TCOF1: variants seen among roughly 807,000 people sequenced by gnomAD.
TCOF1 encodes the protein treacle ribosome biogenesis factor 1, also known as treacle protein.
A neutral mutation model predicts 149.0 loss-of-function variants in TCOF1; 33 were observed. The ratio of observed to expected loss-of-function variants is 0.22; its 90% CI spans 0.17 to 0.30. TCOF1 has a LOEUF of 0.30. Among genes scored for constraint, TCOF1 ranks in the 10% least tolerant of loss-of-function variants. The probability of loss-of-function intolerance (pLI) is 1.00; values close to 1 mark genes in which losing one functional copy is unlikely to be tolerated. For missense variants in TCOF1, 1,728 were observed against 1,840.7 expected, an observed-to-expected ratio of 0.94 and a Z score of 1.12; for synonymous variants, 789 against 738.8, an observed-to-expected ratio of 1.07 and a Z score of -1.10.
rs941241623 is a variant in TCOF1, at chr5:150,376,163, G to A, written c.1975G>A (p.Val659Met). 12 of 1,614,242 alleles carry A rather than the reference G, an allele frequency of 7.4e-6. No homozygotes were observed. Among genetic ancestry groups the A allele is most frequent in the Non-Finnish European group, 9.3e-6 (11 of 1,180,046 alleles). The change falls in exon 13 of 27, where the codon GTG becomes ATG. Residue 659 changes from valine (V) to methionine (M), a missense_variant. Val to Met is a conservative substitution (Grantham distance 21). Around this residue, in one of 2 missense-constraint regions of TCOF1, gnomAD observed 1,696 missense variants for 1,765.4 expected, o/e 0.96. Transcript: ENST00000643257. ...CACTGCATCTGCCAAGGTCGCCCCT[G>A]TGCGAGTGGGCACCCAAGCCCCCCG... Reference protein sequence around the residue: ...NTTASAKVAPVRVGTQAPRKA... With the variant: ...NTTASAKVAPMRVGTQAPRKA...
intron 17 of TCOF1, 123 bp from the exon 18 acceptor site, chr5:150,387,779 G>A (rs1766578260): frequency 1.5e-6 from 2 of 1,362,332 alleles, no homozygotes; most frequent in South Asian, 1.3e-5. Flanking sequence ...AATGGCTTCT[G>A]TGCCCAGCTG....
rs151344575 is a variant in TCOF1 at position 150,383,121 on chromosome 5, G to T, written c.2859+3389G>T. ...CCCTGGCCCCAGCACCCCCAGAGAG[G>T]AACACGGAGGGGTCCTCGGAGAGCA... is the stretch of plus-strand genomic sequence containing the variant. On this transcript the variant is annotated intron_variant, in intron 17 of 26. Coordinates refer to ENST00000643257, the MANE Select transcript of TCOF1 (RefSeq NM_001371623.1). 2.2e-3 allele frequency: 3,396 copies of T among 1,536,078 alleles called. 5 individuals are homozygous for T. Among genetic ancestry groups the T allele is most frequent in the Non-Finnish European group, 2.6e-3 (2,959 of 1,146,880 alleles).
chr5:150,373,835 C>G (rs940565216), intron 7 of TCOF1, among the ~76,000 whole-genome samples: 2 of 152,184 alleles, frequency 1.3e-5, no homozygotes, highest in Non-Finnish European at 2.9e-5. Flanking sequence ...CCAGTGGGAG[C>G]CCAGCAGAGG....
chr5:150,388,818 G>A (rs79012265), intron 18 of TCOF1, among the ~76,000 whole-genome samples: 8,732 of 151,966 alleles, frequency 0.057, 339 homozygotes, highest in East Asian at 0.11. Flanking sequence ...GTAATCCCAG[G>A]TACTTGAGAG....
In TCOF1 at chr5:150,376,278, A is replaced by G; in HGVS notation, c.2090A>G (p.Glu697Gly). The G allele has an allele frequency of 6.2e-7, 1 of 1,614,154 alleles. No homozygotes were observed. Among genetic ancestry groups the G allele is most frequent in the Non-Finnish European group, 8.5e-7 (1 of 1,180,020 alleles). The part of the protein sequence containing the change: ...QRPAEDSSSS[E>G]ESDSEEEKTG... ...CCAGCAGAGGATTCTTCAAGCAGTGAGGAATCAGATAGTGAGGAAGAGAAG... is the reference window on the plus strand; with the variant it reads ...CCAGCAGAGGATTCTTCAAGCAGTGGGGAATCAGATAGTGAGGAAGAGAAG... Residue 697 changes from glutamate (E) to glycine (G), a missense_variant, in exon 13 of 27, where the codon GAG becomes GGG. Transcript: ENST00000643257.
chr5:150,375,390 A>G lies in TCOF1; in HGVS notation c.1540A>G (p.Met514Val), dbSNP rs764006752. 6.8e-6 allele frequency: 11 copies of G among 1,612,588 alleles called. No individual in the cohort carries two copies. The South Asian group carries it at 9.9e-5, about 14-fold the overall frequency. The part of the protein sequence containing the change: ...PQVKPASTMG[M>V]GPLGKGAGPV... ...GGTGAAACCTGCCTCTACCATGGGC[A>G]TGGGGCCCTTGGGGAAAGGCGCCGG... The change falls in exon 11 of 27, where the codon ATG (methionine) becomes GTG (valine). Residue 514 changes from methionine (M) to valine (V), a missense_variant. Physicochemically the swap from Met to Val is conservative, Grantham distance 21. Coordinates refer to ENST00000643257, the MANE Select transcript of TCOF1 (RefSeq NM_001371623.1).
At chr5:150,398,050 A>G (rs1479856188) in intron 24 of TCOF1, among the ~76,000 whole-genome samples, 1 of 152,126 alleles carries the variant, frequency 6.6e-6, no homozygotes, top group Non-Finnish European at 1.5e-5. Context: ...AGCCCCCCAA[A>G]TAGCTGGGAC....
At position 150,376,321 on chromosome 5, in the gene TCOF1, C is replaced by G; in HGVS notation, c.2133C>G (p.Thr711=). ...AAGAGAAGACAGGTCTTGCAGTAACCGTGGGACAGGTGAGGCCTGTGTTTT... is the reference window on the plus strand; with the variant it reads ...AAGAGAAGACAGGTCTTGCAGTAACGGTGGGACAGGTGAGGCCTGTGTTTT... The part of the protein sequence containing the change: ...SEEEKTGLAV[T]VGQAKSVGKG... Residue 711 remains threonine (T), a synonymous_variant, in exon 13 of 27, where the codon ACC becomes ACG. Transcript: ENST00000643257. 1 of 1,614,006 alleles carries G rather than the reference C, an allele frequency of 6.2e-7. No individual in the cohort carries two copies. Among genetic ancestry groups the G allele is most frequent in the Admixed American group, 1.7e-5 (1 of 60,020 alleles).
At chr5:150,358,266 C>T (rs1472454635) in intron 1 of TCOF1, among the ~76,000 whole-genome samples, 1 of 152,062 alleles carries the variant, frequency 6.6e-6, no homozygotes, top group African/African-American at 2.4e-5. Context: ...CTCGGGGGAG[C>T]GCCTGGAAAA....
intron 17 of TCOF1, chr5:150,382,957 C>T: frequency 1.1e-6 from 1 of 905,426 alleles, no homozygotes; most frequent in Admixed American, 2.8e-5. Flanking sequence ...CACGCTGCCT[C>T]CCCTGGAAAC....
intron 25 of TCOF1, 76 bp from the exon 26 acceptor site, chr5:150,398,946 T>A: frequency 6.2e-7 from 1 of 1,607,132 alleles, no homozygotes; most frequent in Non-Finnish European, 8.5e-7. Flanking sequence ...AATTCACTAG[T>A]CCTCAGGAGG....
intron 14 of TCOF1, chr5:150,378,674 TCTC>T: frequency 1.7e-6 from 1 of 580,778 alleles, no homozygotes; most frequent in East Asian, 3.0e-5. Flanking sequence ...AAACTCTGAA[TCTC>T]CTATTTAGTC....
intron 14 of TCOF1, among the ~76,000 whole-genome samples, chr5:150,378,101 G>A (rs1260271681): frequency 1.3e-5 from 2 of 152,188 alleles, no homozygotes; most frequent in Admixed American, 1.3e-4. Flanking sequence ...ACACTGTAGG[G>A]AATCTTCTTG....
chr5:150,358,247 GACC>G, intron 1 of TCOF1, among the ~76,000 whole-genome samples: 1 of 152,080 alleles, frequency 6.6e-6, no homozygotes, highest in East Asian at 1.9e-4. Flanking sequence ...GGTGGATTGC[GACC>G]AGCCCCTCGG....
intron 4 of TCOF1, chr5:150,368,493 TAACTAC>T (rs1430528518): frequency 5.2e-6 from 3 of 580,754 alleles, no homozygotes; most frequent in Non-Finnish European, 9.2e-6. Flanking sequence ...ACTTAGTAAA[TAACTAC>T]CATGTCCCAA....
At position 150,392,724 on chromosome 5, in the gene TCOF1, G is replaced by A. The variant is rs200202637; in HGVS notation, c.3537G>A (p.Arg1179=). The change falls in exon 22 of 27, where the codon AGG becomes AGA. Residue 1179 remains arginine (R), a synonymous_variant. Coordinates refer to ENST00000643257, the MANE Select transcript of TCOF1 (RefSeq NM_001371623.1). Reference sequence around the variant, plus strand: ...CTCCAGTAGGTCCCACCCCCTCCAGGACAGAGACCCTGGTGGAGGAGACCG... The same window carrying A: ...CTCCAGTAGGTCCCACCCCCTCCAGAACAGAGACCCTGGTGGAGGAGACCG... ...AHTLVGPTPS[R]TETLVEETAA... 5.5e-5 allele frequency: 89 copies of A among 1,614,084 alleles called. No homozygotes were observed. The East Asian group carries it at 1.6e-3, about 30-fold the overall frequency.
At chr5:150,382,704 G>A (rs1374816829) in intron 17 of TCOF1, among the ~76,000 whole-genome samples, 5 of 152,354 alleles carry the variant, frequency 3.3e-5, no homozygotes, top group South Asian at 2.1e-4. Flanking sequence ...TGTTACAACC[G>A]GAGGTGAGCT....
At chr5:150,386,980 C>CA (rs1010354052) in intron 17 of TCOF1, among the ~76,000 whole-genome samples, 3 of 152,178 alleles carry the variant, frequency 2.0e-5, no homozygotes, top group African/African-American at 7.2e-5. Flanking sequence ...AAAGAACCCC[C>CA]ACGTACCATC....
chr5:150,390,054 GC>G, intron 19 of TCOF1, 31 bp downstream of exon 19: 1 of 1,581,990 alleles, frequency 6.3e-7, no homozygotes, highest in Non-Finnish European at 8.6e-7. Flanking sequence ...GGTAATGCAG[GC>G]CAGTGGGGTG....
Sources: allele counts gnomAD v4.1 joint callset (sites outside exome capture counted in the v4.1 genomes callset), GRCh38; gene constraint gnomAD v4.1.1; regional missense constraint gnomAD v4.1.1; transcripts MANE v1.5; gene names NCBI Gene and HGNC (gene_info 2026-07-23, HGNC 2026-07-21).